DNAJC13: variants seen among roughly 807,000 people sequenced by gnomAD.
DNAJC13 encodes the protein dnaJ homolog subfamily C member 13.
DNAJC13 carries 75 observed loss-of-function variants against 290.5 expected under a neutral mutation model. That is an observed-to-expected ratio of 0.26 (90% CI 0.21 to 0.31). The LOEUF (loss-of-function observed/expected upper bound fraction) is 0.31, where lower values mean the gene tolerates loss of function less well. DNAJC13 is among the 10% of genes least tolerant of loss of function. The pLI is 1.00. For synonymous variants in DNAJC13, 862 were observed against 892.0 expected (o/e 0.97, Z 0.60); for missense variants, 2,260 against 2,674.5 (o/e 0.85, Z 3.42).
chr3:132,443,462 C>T (rs1933139788), intron 2 of DNAJC13, among the ~76,000 whole-genome samples: 1 of 152,134 alleles, frequency 6.6e-6, no homozygotes, highest in Non-Finnish European at 1.5e-5. Context: ...TGGTAAAAAT[C>T]TTTTAGCTGT....
intron 6 of DNAJC13, among the ~76,000 whole-genome samples, chr3:132,452,246 C>T (rs765545539): frequency 4.6e-5 from 7 of 152,188 alleles, no homozygotes; most frequent in Non-Finnish European, 1.0e-4. Flanking sequence ...TACTTGGGGG[C>T]AGCAAGAAGT....
chr3:132,475,134 A>G (rs1413948196), intron 22 of DNAJC13, 49 bp downstream of exon 22: 1 of 1,413,172 alleles, frequency 7.1e-7, no homozygotes, highest in Non-Finnish European at 9.4e-7. Context: ...TAAAGCATGT[A>G]CTATTTGGGG....
At chr3:132,456,108 G>A in intron 9 of DNAJC13, 127 bp from the exon 10 acceptor site, 1 of 769,196 alleles carries the variant, frequency 1.3e-6, no homozygotes. Context: ...CACTGTTTGT[G>A]TTTCCCATTG....
At chr3:132,457,924 C>G (rs1375371554) in intron 13 of DNAJC13, 1 of 152,140 alleles carries the variant, frequency 6.6e-6, no homozygotes, top group African/African-American at 2.4e-5. Context: ...AATAAAAAAC[C>G]TTCTGTATCA....
intron 2 of DNAJC13, among the ~76,000 whole-genome samples, chr3:132,438,668 C>A (rs995697774): frequency 6.6e-6 from 1 of 152,048 alleles, no homozygotes; most frequent in African/African-American, 2.4e-5. Flanking sequence ...CCAGGTATTC[C>A]CCTTGAAGAT....
rs554647094 is a variant in DNAJC13 at position 132,420,256 on chromosome 3, G to C, written c.-14+2496G>C. Among the ~76,000 whole-genome samples the C allele has an allele frequency of 2.3e-4, 35 of 152,360 alleles. 1 individual carries two copies. In the South Asian group the frequency reaches 4.6e-3, roughly 20 times the overall value. On this transcript the variant is annotated intron_variant, in intron 1 of 55. Coordinates refer to ENST00000260818, the MANE Select transcript of DNAJC13 (RefSeq NM_015268.4). ...AGTCTGCTGTGCAGATTGAGAGGGAGAGGAACAGCAACAGAACTTTTAAGA... is the reference window on the plus strand; with the variant it reads ...AGTCTGCTGTGCAGATTGAGAGGGACAGGAACAGCAACAGAACTTTTAAGA...
intron 33 of DNAJC13, among the ~76,000 whole-genome samples, chr3:132,492,892 A>G (rs567809219): frequency 6.6e-6 from 1 of 152,040 alleles, no homozygotes; most frequent in Non-Finnish European, 1.5e-5. Flanking sequence ...TTATATATAT[A>G]TAGTATTATA....
At chr3:132,469,963 C>CTTTTTTTTTTTATTTTTT (rs1934134160) in intron 20 of DNAJC13, among the ~76,000 whole-genome samples, 1 of 61,154 alleles carries the variant, frequency 1.6e-5, no homozygotes, top group Non-Finnish European at 3.2e-5. Context: ...AGCAGAGATT[C>CTTTTTTTTTTTATTTTTT]TTTTTTTTTT....
chr3:132,456,915 T>G, intron 12 of DNAJC13, 83 bp downstream of exon 12: 2 of 1,446,156 alleles, frequency 1.4e-6, no homozygotes, highest in Non-Finnish European at 1.9e-6. Context: ...CACCTCCTTT[T>G]CCTTGACTAA....
At chr3:132,530,279 G>T (rs2107753482) in intron 54 of DNAJC13, among the ~76,000 whole-genome samples, 1 of 152,064 alleles carries the variant, frequency 6.6e-6, no homozygotes, top group South Asian at 2.1e-4. Context: ...TCTCATCTTT[G>T]TGTTCACTGT....
chr3:132,466,280 A>G lies in DNAJC13; in HGVS notation c.1969-19A>G. ...TTTTCTTTTTCACATTGTTTTGAAAATGGATTTTGTGTTTTTAGCCGCCAG... is the reference window on the plus strand; with the variant it reads ...TTTTCTTTTTCACATTGTTTTGAAAGTGGATTTTGTGTTTTTAGCCGCCAG... On this transcript the variant is annotated intron_variant, in intron 18 of 55. Transcript: ENST00000260818. 1.3e-6 allele frequency: 2 copies of G among 1,570,262 alleles called. No individual in the cohort carries two copies. The highest frequency in any genetic ancestry group is 1.7e-6 in the Non-Finnish European group (2 of 1,164,302).
At chr3:132,471,254 C>G (rs1320005462) in intron 20 of DNAJC13, among the ~76,000 whole-genome samples, 1 of 140,874 alleles carries the variant, frequency 7.1e-6, no homozygotes, top group Non-Finnish European at 1.6e-5. Context: ...CTGACCCCCC[C>G]ACCTCCCTCC....
Position 132,525,862 on chromosome 3 carries a change from TGTA to T in DNAJC13, c.6240+77_6240+79del, listed in dbSNP as rs1326356073. ...TGCTCCCTTCTTGACGGATATAAGT[TGTA>T]GTATTATATAAATCCCCTTTCTGCC... On this transcript the variant is annotated intron_variant, in intron 52 of 55. Transcript: ENST00000260818. 2.7e-6 allele frequency: 4 copies of T among 1,482,580 alleles called. No individual in the cohort carries two copies. The African/African-American group carries it at 4.2e-5, about 16-fold the overall frequency. The allele number at this position is 1,482,580 out of a possible 1,614,324, so 91.8% of individuals were successfully genotyped here. A position where few individuals can be genotyped will look rare whatever the true frequency, so the allele number is the denominator to read the frequency against.
intron 20 of DNAJC13, among the ~76,000 whole-genome samples, chr3:132,471,285 T>G (rs1358593757): frequency 6.5e-4 from 62 of 96,074 alleles, no homozygotes; most frequent in East Asian, 1.4e-3. Flanking sequence ...GGCTGGCCGG[T>G]CGGGGGGGCT....
chr3:132,505,529 T>C, intron 42 of DNAJC13, 114 bp downstream of exon 42: 1 of 682,280 alleles, frequency 1.5e-6, no homozygotes, highest in South Asian at 2.0e-5. Context: ...TGTCAGTCAG[T>C]ATGGCTTTCT....
In DNAJC13 at chr3:132,502,280, TTC is replaced by T. The variant is rs1222357015; in HGVS notation, c.4537-4_4537-3del. The T allele has an allele frequency of 6.3e-7, 1 of 1,592,480 alleles. No individual in the cohort carries two copies. The highest frequency in any genetic ancestry group is 1.8e-5 in the Admixed American group (1 of 54,718). ...GTAACAACTAATGCTCTCATTTTTA[TTC>T]TCTCAGAGTATTCCCCGCGTAGCTG... On this transcript the variant is annotated splice_region_variant and splice_polypyrimidine_tract_variant and intron_variant, in intron 39 of 55. Coordinates refer to ENST00000260818, the MANE Select transcript of DNAJC13 (RefSeq NM_015268.4).
chr3:132,487,313 G>A (rs1305531097), intron 29 of DNAJC13, among the ~76,000 whole-genome samples: 1 of 151,970 alleles, frequency 6.6e-6, no homozygotes, highest in Admixed American at 6.6e-5. Flanking sequence ...TTGGAGTGCA[G>A]TGGCTCAATC....
At chr3:132,457,647 A>G (rs1467516982) in intron 13 of DNAJC13, 1 of 242,570 alleles carries the variant, frequency 4.1e-6, no homozygotes, top group East Asian at 7.7e-5. Flanking sequence ...AGTAGGGGCC[A>G]TAGGATCTTG....
chr3:132,465,294 T>C (rs1222204584), intron 17 of DNAJC13, among the ~76,000 whole-genome samples: 5 of 152,152 alleles, frequency 3.3e-5, no homozygotes, highest in Non-Finnish European at 7.4e-5. Context: ...GCTATGGTAA[T>C]TGAATCCCCA....
Sources: allele counts gnomAD v4.1 joint callset (sites outside exome capture counted in the v4.1 genomes callset), GRCh38; gene constraint gnomAD v4.1.1; transcripts MANE v1.5; gene names NCBI Gene and HGNC (gene_info 2026-07-23, HGNC 2026-07-21).